CLEC2D: variants seen among roughly 807,000 people sequenced by gnomAD.
CLEC2D encodes the protein C-type lectin domain family 2 member D, also known as C-type lectin related f.
A neutral mutation model predicts 20.0 loss-of-function variants in CLEC2D; 16 were observed. The observed-to-expected ratio is 0.80, with a 90% CI of 0.54 to 1.22. The LOEUF (loss-of-function observed/expected upper bound fraction) is 1.22. CLEC2D is among the 50% of genes most tolerant of loss of function. CLEC2D has a pLI of 0.00. For missense variants in CLEC2D, 207 were observed against 221.5 expected, an observed-to-expected ratio of 0.93 and a Z score of 0.42; for synonymous variants, 77 against 71.1, an observed-to-expected ratio of 1.08 and a Z score of -0.42.
chr12:9,675,218 G>C (rs1390510006), intron 1 of CLEC2D, among the ~76,000 whole-genome samples: 1 of 141,818 alleles, frequency 7.1e-6, no homozygotes, highest in Non-Finnish European at 1.5e-5. Flanking sequence ...TTAAGAGACG[G>C]AGTCTCACTC....
In CLEC2D at chr12:9,698,598, A is replaced by G. The variant is rs965256108; in HGVS notation, c.*3724A>G. ...AAAGCTTCACAACGTTGGTCTGGGC[A>G]ATAATTTTTGGATTTGACCTCAAAA... On this transcript the variant is annotated 3_prime_UTR_variant, in exon 5 of 5. Coordinates refer to ENST00000290855, the MANE Select transcript of CLEC2D (RefSeq NM_013269.6). 1 of 152,238 alleles carries G rather than the reference A, an allele frequency of 6.6e-6. No homozygotes were observed. The highest frequency in any genetic ancestry group is 1.5e-5 in the Non-Finnish European group (1 of 68,038). 9.4% of individuals were successfully genotyped at this position (152,238 alleles called of 1,614,324 possible).
At chr12:9,694,683 C>G in intron 4 of CLEC2D, 77 bp from the exon 5 acceptor site, 1 of 814,152 alleles carries the variant, frequency 1.2e-6, no homozygotes, top group Non-Finnish European at 2.2e-6. Context: ...TGTTAGTTTT[C>G]TCATTTTCTC....
In CLEC2D at chr12:9,698,876, C is replaced by G. The variant is rs968638166; in HGVS notation, c.*4002C>G. On this transcript the variant is annotated 3_prime_UTR_variant, in exon 5 of 5. Transcript: ENST00000290855. ...TTCTTAATCCTCTGTTTTCCCAGAG[C>G]ACAGGAGGAAGTTCTCTGAAGTTCC... is the stretch of plus-strand genomic sequence containing the variant. The G allele has an allele frequency of 2.6e-5, 4 of 152,150 alleles. No homozygotes were observed. The highest frequency in any genetic ancestry group is 9.7e-5 in the African/African-American group (4 of 41,440). 9.4% of individuals were successfully genotyped at this position (152,150 alleles called of 1,614,324 possible). A position where few individuals can be genotyped will look rare whatever the true frequency, so the allele number is the denominator to read the frequency against.
intron 2 of CLEC2D, among the ~76,000 whole-genome samples, chr12:9,684,161 AT>A (rs1865704585): frequency 6.6e-6 from 1 of 152,090 alleles, no homozygotes; most frequent in Non-Finnish European, 1.5e-5. Flanking sequence ...TTCACTCATG[AT>A]TTGGCTCTCT....
chr12:9,683,655 G>T (rs1422059211), intron 2 of CLEC2D, among the ~76,000 whole-genome samples: 1 of 152,004 alleles, frequency 6.6e-6, no homozygotes, highest in African/African-American at 2.4e-5. Flanking sequence ...GCTTGTTTTT[G>T]TCAGGTTTGT....
At chr12:9,690,254 T>C (rs1865835611) in intron 3 of CLEC2D, among the ~76,000 whole-genome samples, 1 of 152,082 alleles carries the variant, frequency 6.6e-6, no homozygotes, top group Admixed American at 6.5e-5. Context: ...ATGAATTCTA[T>C]GTATAGCAAA....
In CLEC2D at chr12:9,694,861, A is replaced by T. The variant is rs760087481; in HGVS notation, c.563A>T (p.Asp188Val). ...AGGAAGTGGATTTGTTCCAAATCAG[A>T]TATACATGTCTAGATGTTACAGCAA... The part of the protein sequence containing the change: ...TERKWICSKS[D>V]IHV The change falls in exon 5 of 5, where the codon GAT (aspartate) becomes GTT (valine). Residue 188 changes from aspartate (D) to valine (V), a missense_variant. Coordinates refer to ENST00000290855, the MANE Select transcript of CLEC2D (RefSeq NM_013269.6). The T allele has an allele frequency of 1.9e-6, 3 of 1,578,052 alleles. No individual in the cohort carries two copies. The African/African-American group carries it at 4.0e-5, about 21-fold the overall frequency.
In CLEC2D at chr12:9,697,696, A is replaced by G. The variant is rs1866030327; in HGVS notation, c.*2822A>G. 6.8e-6 allele frequency: 1 copy of G among 146,484 alleles called. No individual in the cohort carries two copies. Among genetic ancestry groups the G allele is most frequent in the Admixed American group, 7.0e-5 (1 of 14,362 alleles). The allele number at this position is 146,484 out of a possible 1,614,324, so 9.1% of individuals were successfully genotyped here. ...GCCAGACACAGAAAAAAAATGTTGCATGATCTCACTTATAGTGAAACTTAA... is the reference window on the plus strand; with the variant it reads ...GCCAGACACAGAAAAAAAATGTTGCGTGATCTCACTTATAGTGAAACTTAA... On this transcript the variant is annotated 3_prime_UTR_variant, in exon 5 of 5. Transcript: ENST00000290855.
intron 1 of CLEC2D, among the ~76,000 whole-genome samples, chr12:9,673,633 C>T (rs1428071054): frequency 2.0e-5 from 3 of 152,246 alleles, no homozygotes; most frequent in South Asian, 4.1e-4. Context: ...CTGGTCTCTT[C>T]AGAGCCAGCA....
intron 2 of CLEC2D, among the ~76,000 whole-genome samples, chr12:9,685,008 A>G (rs998853840): frequency 1.3e-5 from 2 of 152,104 alleles, no homozygotes; most frequent in African/African-American, 2.4e-5. Flanking sequence ...TTGTCTGGAC[A>G]TGGGCTTGTT....
chr12:9,671,128 G>A (rs1325862761), intron 1 of CLEC2D, among the ~76,000 whole-genome samples: 1 of 152,072 alleles, frequency 6.6e-6, no homozygotes, highest in Non-Finnish European at 1.5e-5. Flanking sequence ...AAGCTCATGT[G>A]GCAGACGGAC....
At chr12:9,680,106 G>A (rs1339099062) in intron 1 of CLEC2D, 1 of 161,500 alleles carries the variant, frequency 6.2e-6, no homozygotes, top group Non-Finnish European at 1.4e-5. Flanking sequence ...CATGGAGTTG[G>A]TTACCCTCGT....
rs745468255 is a variant in CLEC2D, at chr12:9,695,989, A to C, written c.*1115A>C. 8.8e-5 allele frequency: 138 copies of C among 1,560,444 alleles called. No individual in the cohort carries two copies. In the African/African-American group the frequency reaches 1.7e-3, roughly 19 times the overall value. ...GTCAAATCAGAATGGAAAAGACTCA[A>C]AACCATCATCAACACCAAGATCAAA... On this transcript the variant is annotated 3_prime_UTR_variant, in exon 5 of 5. Transcript: ENST00000290855.
rs1009989638 is a variant in CLEC2D at position 9,699,544 on chromosome 12, G to A, written c.*4670G>A. 1.3e-5 allele frequency: 2 copies of A among 152,146 alleles called. No homozygotes were observed. The highest frequency in any genetic ancestry group is 2.9e-5 in the Non-Finnish European group (2 of 68,008). The allele number at this position is 152,146 out of a possible 1,614,324, so 9.4% of individuals were successfully genotyped here. ...CTGAATAAACACTTTGAAAGGCAGT[G>A]AACTGTAAATATATTACAGCTATCT... is the stretch of plus-strand genomic sequence containing the variant. On this transcript the variant is annotated 3_prime_UTR_variant, in exon 5 of 5. Transcript: ENST00000290855.
intron 1 of CLEC2D, among the ~76,000 whole-genome samples, chr12:9,670,433 A>G (rs985386411): frequency 2.0e-5 from 3 of 152,226 alleles, no homozygotes; most frequent in Non-Finnish European, 2.9e-5. Flanking sequence ...GAGAAAAGGT[A>G]ATTCAGAGGC....
intron 1 of CLEC2D, among the ~76,000 whole-genome samples, chr12:9,679,609 A>C (rs933560803): frequency 1.3e-5 from 2 of 152,156 alleles, no homozygotes; most frequent in Non-Finnish European, 2.9e-5. Context: ...GATTTCTTAA[A>C]TCTTTGATAA....
chr12:9,689,449 A>C (rs949373570), intron 3 of CLEC2D, among the ~76,000 whole-genome samples: 5 of 152,308 alleles, frequency 3.3e-5, no homozygotes, highest in African/African-American at 9.6e-5. Flanking sequence ...ATTACAAAAC[A>C]TGCAAAGAAA....
intron 3 of CLEC2D, among the ~76,000 whole-genome samples, chr12:9,691,180 A>G (rs559470436): frequency 7.2e-4 from 109 of 151,784 alleles, no homozygotes; most frequent in Non-Finnish European, 1.1e-3. Context: ...AAAGAAGGGC[A>G]TTATGCATTG....
At chr12:9,683,994 T>G (rs902242143) in intron 2 of CLEC2D, among the ~76,000 whole-genome samples, 4 of 152,212 alleles carry the variant, frequency 2.6e-5, no homozygotes, top group African/African-American at 7.2e-5. Context: ...ATATTGATTC[T>G]TCCTATCTAT....
Sources: allele counts gnomAD v4.1 joint callset (sites outside exome capture counted in the v4.1 genomes callset), GRCh38; gene constraint gnomAD v4.1.1; transcripts MANE v1.5; gene names NCBI Gene and HGNC (gene_info 2026-07-23, HGNC 2026-07-21).